The following SNAPIN variants were observed in gnomAD, a reference collection of about 807,000 sequenced individuals.
The protein encoded by SNAPIN is SNARE-associated protein Snapin.
A neutral mutation model predicts 15.9 loss-of-function variants in SNAPIN; 16 were observed. The observed-to-expected ratio is 1.01, with a 90% confidence interval of 0.68 to 1.53. The LOEUF (loss-of-function observed/expected upper bound fraction) is 1.53, where lower values mean the gene tolerates loss of function less well. Ranked by LOEUF, SNAPIN falls within the 40% of genes most tolerant of loss-of-function variation. The pLI, the probability that SNAPIN is intolerant of heterozygous loss-of-function variation, is 0.00. For missense variants in SNAPIN, 186 were observed against 180.1 expected (o/e 1.03, Z -0.19); for synonymous variants, 83 against 76.2 (o/e 1.09, Z -0.46).
In SNAPIN at chr1:153,658,894, G is replaced by A. The variant is rs1273460497; in HGVS notation, c.143+8G>A. On this transcript the variant is annotated splice_region_variant and intron_variant, in intron 1 of 3. Transcript: ENST00000368685. ...TCACGTACACGCCGTCAGGTGCCCG[G>A]GAGGGAAGTTGGGGGCGGGGCCTGT... 6.2e-7 allele frequency: 1 copy of A among 1,609,852 alleles called. No individual in the cohort carries two copies. The highest frequency in any genetic ancestry group is 8.5e-7 in the Non-Finnish European group (1 of 1,179,256).
chr1:153,660,821 G>A (rs1397752014), intron 3 of SNAPIN, among the ~76,000 whole-genome samples: 1 of 139,684 alleles, frequency 7.2e-6, no homozygotes, highest in Non-Finnish European at 1.5e-5. Context: ...TTCTCCCTCT[G>A]TCACCCAGGC....
Position 153,661,384 on chromosome 1 carries a change from A to G in SNAPIN, c.*83A>G, listed in dbSNP as rs1669157842. 9.8e-7 allele frequency: 1 copy of G among 1,019,658 alleles called. No homozygotes were observed. 63.2% of individuals were successfully genotyped at this position (1,019,658 alleles called of 1,614,324 possible). On this transcript the variant is annotated 3_prime_UTR_variant, in exon 4 of 4. Transcript: ENST00000368685. ...CAGACATGCAAAGATCCTAGGAGAC[A>G]GTCCCCATAGACCTTCAGACATTAA...
Position 153,661,582 on chromosome 1 carries a change from G to T in SNAPIN, c.*281G>T, listed in dbSNP as rs7345. On this transcript the variant is annotated 3_prime_UTR_variant, in exon 4 of 4. Coordinates refer to ENST00000368685, the MANE Select transcript of SNAPIN (RefSeq NM_012437.6). ...CTACTTTTTTTTTTAAGCTGCATAC[G>T]TGAGGCTTACCTTCTTCAGGACTAG... 152,488 of 252,838 alleles carry T rather than the reference G, an allele frequency of 0.6. 47,245 individuals carry two copies. The highest frequency in any genetic ancestry group is 0.75 in the African/African-American group (34,053 of 45,668). 15.7% of individuals were successfully genotyped at this position (252,838 alleles called of 1,614,324 possible). A position where few individuals can be genotyped will look rare whatever the true frequency, so the allele number is the denominator to read the frequency against.
In SNAPIN at chr1:153,659,429, A is replaced by G; in HGVS notation, c.191-19A>G. Reference sequence around the variant, plus strand: ...AGATAAGCCGTTAGATCTTAGCTGCACCTTACTTCCATCCCCAGAACTGTG... The same window carrying G: ...AGATAAGCCGTTAGATCTTAGCTGCGCCTTACTTCCATCCCCAGAACTGTG... On this transcript the variant is annotated intron_variant, in intron 2 of 3. Transcript: ENST00000368685. 1 of 1,584,898 alleles carries G rather than the reference A, an allele frequency of 6.3e-7. No homozygotes were observed. Among genetic ancestry groups the G allele is most frequent in the Non-Finnish European group, 8.7e-7 (1 of 1,153,502 alleles).
intron 1 of SNAPIN, 25 bp downstream of exon 1, chr1:153,658,911 G>C (rs1669079732): frequency 1.2e-6 from 2 of 1,608,558 alleles, no homozygotes; most frequent in Non-Finnish European, 1.7e-6. Flanking sequence ...AGTTGGGGGC[G>C]GGGCCTGTCT....
At chr1:153,658,957 C>G in intron 1 of SNAPIN, 71 bp downstream of exon 1, 1 of 1,597,784 alleles carries the variant, frequency 6.3e-7, no homozygotes, top group Non-Finnish European at 8.5e-7. Context: ...AGAAAGTGTT[C>G]TGGCTGGGAG....
In SNAPIN at chr1:153,658,805, G is replaced by A. The variant is rs762282163; in HGVS notation, c.62G>A (p.Gly21Asp). 2.0e-5 allele frequency: 32 copies of A among 1,593,396 alleles called. No homozygotes were observed. The highest frequency in any genetic ancestry group is 2.5e-5 in the Non-Finnish European group (29 of 1,174,540). ...GGGACCCCGGTGGCGGGGCCCACAGGCCGCGACCTTTTCGCCGAAGGGCTG... is the reference window on the plus strand; with the variant it reads ...GGGACCCCGGTGGCGGGGCCCACAGACCGCGACCTTTTCGCCGAAGGGCTG... ...GAGTPVAGPTGRDLFAEGLLE... is the reference protein window; with the variant it reads ...GAGTPVAGPTDRDLFAEGLLE... The change falls in exon 1 of 4, where the codon GGC (glycine) becomes GAC (aspartate). Residue 21 changes from glycine to aspartate, a missense_variant. Transcript: ENST00000368685.
chr1:153,659,995 G>A (rs114448363), intron 3 of SNAPIN, among the ~76,000 whole-genome samples: 2,847 of 151,908 alleles, frequency 0.019, 90 homozygotes, highest in African/African-American at 0.066. Flanking sequence ...TTGGCCACCC[G>A]AAGTGCTGAG....
intron 3 of SNAPIN, among the ~76,000 whole-genome samples, chr1:153,660,848 G>A (rs1478369735): frequency 1.3e-5 from 2 of 148,580 alleles, no homozygotes; most frequent in East Asian, 2.0e-4. Context: ...GCAGTGGCAC[G>A]ATCTCATTTC....
intron 3 of SNAPIN, among the ~76,000 whole-genome samples, 176 bp downstream of exon 3, chr1:153,659,742 A>G (rs1488762975): frequency 6.6e-6 from 1 of 152,046 alleles, no homozygotes; most frequent in Non-Finnish European, 1.5e-5. Context: ...TGCCATTTAC[A>G]TTCTTGTGTG....
In SNAPIN at chr1:153,661,359, C is replaced by T. The variant is rs1669156290; in HGVS notation, c.*58C>T. ...CTGTTCCCCAGCTGCCTTGTTTCAA[C>T]AGACATGCAAAGATCCTAGGAGACA... On this transcript the variant is annotated 3_prime_UTR_variant, in exon 4 of 4. Transcript: ENST00000368685. The T allele has an allele frequency of 4.6e-6, 6 of 1,318,238 alleles. No homozygotes were observed. The highest frequency in any genetic ancestry group is 6.5e-6 in the Non-Finnish European group (6 of 918,672). The allele number at this position is 1,318,238 out of a possible 1,614,324, so 81.7% of individuals were successfully genotyped here.
chr1:153,658,939 C>CG, intron 1 of SNAPIN, 53 bp downstream of exon 1: 1 of 1,600,510 alleles, frequency 6.2e-7, no homozygotes, highest in Non-Finnish European at 8.5e-7. Flanking sequence ...TTTGTAGGGG[C>CG]GGGGCCAAGA....
intron 3 of SNAPIN, among the ~76,000 whole-genome samples, chr1:153,660,573 G>C (rs934164219): frequency 6.6e-6 from 1 of 151,402 alleles, no homozygotes; most frequent in Non-Finnish European, 1.5e-5. Flanking sequence ...ACTTGAGCCC[G>C]GGGGACGGAG....
At chr1:153,660,081 G>GGCAT (rs1669108680) in intron 3 of SNAPIN, among the ~76,000 whole-genome samples, 1 of 152,082 alleles carries the variant, frequency 6.6e-6, no homozygotes, top group South Asian at 2.1e-4. Context: ...GGAGTGCAGT[G>GGCAT]GCATGATAAA....
chr1:153,658,904 TG>T lies in SNAPIN; in HGVS notation c.143+23del. On this transcript the variant is annotated intron_variant, in intron 1 of 3. Coordinates refer to ENST00000368685, the MANE Select transcript of SNAPIN (RefSeq NM_012437.6). ...GCCGTCAGGTGCCCGGGAGGGAAGTTGGGGGCGGGGCCTGTCTCTCTGGCTT... is the reference window on the plus strand; with the variant it reads ...GCCGTCAGGTGCCCGGGAGGGAAGTTGGGGCGGGGCCTGTCTCTCTGGCTT... 6.2e-7 allele frequency: 1 copy of T among 1,608,778 alleles called. No homozygotes were observed. The highest frequency in any genetic ancestry group is 8.5e-7 in the Non-Finnish European group (1 of 1,178,920).
intron 1 of SNAPIN, 48 bp downstream of exon 1, chr1:153,658,934 A>G (rs1557948564): frequency 6.2e-7 from 1 of 1,602,174 alleles, no homozygotes. Flanking sequence ...CTGGCTTTGT[A>G]GGGGCGGGGC....
intron 3 of SNAPIN, among the ~76,000 whole-genome samples, chr1:153,660,806 T>G (rs1669133904): frequency 7.1e-6 from 1 of 141,014 alleles, no homozygotes; most frequent in African/African-American, 2.7e-5. Flanking sequence ...TTTTTTGAGA[T>G]GGAGTTCTCC....
chr1:153,661,365 T>A lies in SNAPIN; in HGVS notation c.*64T>A. 8.0e-7 allele frequency: 1 copy of A among 1,255,586 alleles called. No homozygotes were observed. The highest frequency in any genetic ancestry group is 1.2e-5 in the South Asian group (1 of 81,924). The allele number at this position is 1,255,586 out of a possible 1,614,324, so 77.8% of individuals were successfully genotyped here. A position where few individuals can be genotyped will look rare whatever the true frequency, so the allele number is the denominator to read the frequency against. ...CCCAGCTGCCTTGTTTCAACAGACA[T>A]GCAAAGATCCTAGGAGACAGTCCCC... On this transcript the variant is annotated 3_prime_UTR_variant, in exon 4 of 4. Transcript: ENST00000368685.
rs1211864315 is a variant in SNAPIN at position 153,661,593 on chromosome 1, C to T, written c.*292C>T. The stretch of plus-strand genomic sequence containing the variant: ...TTTAAGCTGCATACGTGAGGCTTAC[C>T]TTCTTCAGGACTAGTTAACCAGAGG... On this transcript the variant is annotated 3_prime_UTR_variant, in exon 4 of 4. Transcript: ENST00000368685. The T allele has an allele frequency of 1.7e-5, 4 of 233,632 alleles. No individual in the cohort carries two copies. In the Admixed American group the frequency reaches 1.9e-4, roughly 11 times the overall value. 14.5% of individuals were successfully genotyped at this position (233,632 alleles called of 1,614,324 possible).
Sources: allele counts gnomAD v4.1 joint callset (sites outside exome capture counted in the v4.1 genomes callset), GRCh38; gene constraint gnomAD v4.1.1; transcripts MANE v1.5; gene names NCBI Gene and HGNC (gene_info 2026-07-23, HGNC 2026-07-21).